Variants in CHSY3 observed in about 807,000 individuals in gnomAD.
The protein encoded by CHSY3 is N-acetylgalactosaminyl-proteoglycan 3-beta-glucuronosyltransferase 3.
Under a neutral mutation model 67.2 loss-of-function variants are expected in CHSY3, and 35 were observed. The observed-to-expected ratio is 0.52, with a 90% CI of 0.40 to 0.69. The LOEUF is 0.69. Among genes scored for constraint, CHSY3 ranks in the 30% least tolerant of loss-of-function variants. CHSY3 has a pLI of 0.00. For synonymous variants in CHSY3, 474 were observed against 434.7 expected, an observed-to-expected ratio of 1.09 and a Z score of -1.12; for missense variants, 1,069 against 1,138.5, an observed-to-expected ratio of 0.94 and a Z score of 0.88.
At chr5:130,057,184 A>G (rs188470129) in intron 2 of CHSY3, among the ~76,000 whole-genome samples, 1 of 151,920 alleles carries the variant, frequency 6.6e-6, no homozygotes, top group Admixed American at 6.6e-5. Context: ...TCAGCCTCCC[A>G]AAGTGCTGGG....
intron 2 of CHSY3, among the ~76,000 whole-genome samples, chr5:129,909,932 T>C (rs1227768811): frequency 2.0e-5 from 3 of 152,008 alleles, no homozygotes; most frequent in Non-Finnish European, 4.4e-5. Flanking sequence ...ACATAATATA[T>C]AAAATTTTAA....
chr5:130,178,549 G>A (rs1475137063), intron 2 of CHSY3, among the ~76,000 whole-genome samples: 2 of 152,098 alleles, frequency 1.3e-5, no homozygotes, highest in South Asian at 2.1e-4. Flanking sequence ...ACAGCACCCG[G>A]CCGTGGTCTG....
At chr5:130,083,740 G>T (rs74777003) in intron 2 of CHSY3, among the ~76,000 whole-genome samples, 1 of 151,872 alleles carries the variant, frequency 6.6e-6, no homozygotes, top group Non-Finnish European at 1.5e-5. Flanking sequence ...CAGTGTTCTG[G>T]ATACCAGAAA....
chr5:130,034,115 G>A (rs1764780890), intron 2 of CHSY3, among the ~76,000 whole-genome samples: 1 of 151,998 alleles, frequency 6.6e-6, no homozygotes, highest in Non-Finnish European at 1.5e-5. Context: ...TTTGCAAGTT[G>A]TTTTGGTGTT....
At chr5:130,091,406 A>T (rs1234380383) in intron 2 of CHSY3, among the ~76,000 whole-genome samples, 1 of 152,220 alleles carries the variant, frequency 6.6e-6, no homozygotes, top group Non-Finnish European at 1.5e-5. Context: ...AAGAGAATTC[A>T]TCTTGACATA....
chr5:129,950,539 A>T (rs955636597), intron 2 of CHSY3, among the ~76,000 whole-genome samples: 1 of 152,214 alleles, frequency 6.6e-6, no homozygotes, highest in African/African-American at 2.4e-5. Context: ...ACTCCACCAA[A>T]ATACTGTTAG....
intron 2 of CHSY3, among the ~76,000 whole-genome samples, chr5:129,947,142 G>A (rs1215690543): frequency 9.9e-5 from 15 of 152,108 alleles, no homozygotes; most frequent in African/African-American, 3.1e-4. Context: ...AAGTAAACAC[G>A]TTTTTCTTCA....
chr5:130,108,562 G>T (rs1580740384), intron 2 of CHSY3, among the ~76,000 whole-genome samples: 1 of 151,624 alleles, frequency 6.6e-6, no homozygotes, highest in South Asian at 2.1e-4. Flanking sequence ...CATTTGGATT[G>T]TAATGCTTTG....
At chr5:130,144,244 A>G (rs1045442243) in intron 2 of CHSY3, among the ~76,000 whole-genome samples, 1 of 152,142 alleles carries the variant, frequency 6.6e-6, no homozygotes, top group Admixed American at 6.5e-5. Context: ...TAAAACTCCA[A>G]GTGGAGCAAG....
chr5:130,184,686 GGCT>G lies in CHSY3; in HGVS notation c.1545_1547del (p.Leu516del). 1 of 1,606,920 alleles carries G rather than the reference GGCT, an allele frequency of 6.2e-7. No individual in the cohort carries two copies. The highest frequency in any genetic ancestry group is 8.5e-7 in the Non-Finnish European group (1 of 1,173,432). On this transcript the variant is annotated inframe_deletion, in exon 3 of 3. Transcript: ENST00000305031. The stretch of plus-strand genomic sequence containing the variant: ...AATGAGAATGCCAAGAGCAGAGGAC[GGCT>G]CATTGACTTCAAGGAAATTCAGTAT...
chr5:130,129,183 T>C (rs910819995), intron 2 of CHSY3, among the ~76,000 whole-genome samples: 3 of 152,118 alleles, frequency 2.0e-5, no homozygotes, highest in African/African-American at 4.8e-5. Flanking sequence ...ATGCCCAAAA[T>C]ATAACATTAA....
intron 2 of CHSY3, among the ~76,000 whole-genome samples, chr5:130,054,836 T>G (rs1260168256): frequency 2.0e-5 from 3 of 152,226 alleles, no homozygotes; most frequent in Admixed American, 6.5e-5. Context: ...TAGGCTGTGT[T>G]GCTGAGCAGA....
intron 2 of CHSY3, among the ~76,000 whole-genome samples, chr5:130,127,764 T>C (rs1034829499): frequency 3.3e-5 from 5 of 152,186 alleles, no homozygotes; most frequent in Non-Finnish European, 5.9e-5. Flanking sequence ...TCTGGTGCTT[T>C]TTCTCCATGA....
intron 2 of CHSY3, among the ~76,000 whole-genome samples, chr5:130,034,224 C>T (rs1764784215): frequency 6.6e-6 from 1 of 151,808 alleles, no homozygotes; most frequent in South Asian, 2.1e-4. Flanking sequence ...AAATAACATA[C>T]TTGAAATGGA....
rs112570550 is a variant in CHSY3 at position 130,128,229 on chromosome 5, G to GGTGTGTGT, written c.1087-55982_1087-55975dup. On this transcript the variant is annotated intron_variant, in intron 2 of 2. Coordinates refer to ENST00000305031, the MANE Select transcript of CHSY3 (RefSeq NM_175856.5). ...GCCAAGATGTGGAAGAAGAAAATGT[G>GGTGTGTGT]GTGTGTGTGTGTGTGTGTGTGTGTG... is the stretch of plus-strand genomic sequence containing the variant. Among the ~76,000 whole-genome samples, 549 of 147,464 alleles carry GGTGTGTGT rather than the reference G, an allele frequency of 3.7e-3. 6 individuals are homozygous for GGTGTGTGT. Among genetic ancestry groups the GGTGTGTGT allele is most frequent in the African/African-American group, 0.011 (447 of 39,764 alleles).
intron 2 of CHSY3, among the ~76,000 whole-genome samples, chr5:129,991,551 T>C (rs1212812121): frequency 6.6e-6 from 1 of 152,162 alleles, no homozygotes; most frequent in East Asian, 1.9e-4. Context: ...CTAAAGAATA[T>C]GTAGGGTGTT....
chr5:129,995,111 T>C (rs1763496566), intron 2 of CHSY3, among the ~76,000 whole-genome samples: 1 of 152,162 alleles, frequency 6.6e-6, no homozygotes, highest in Non-Finnish European at 1.5e-5. Context: ...CCAAAACTTT[T>C]ATATTAAAGT....
chr5:129,906,281 C>G (rs1209825334), intron 1 of CHSY3, among the ~76,000 whole-genome samples: 2 of 152,048 alleles, frequency 1.3e-5, no homozygotes, highest in Non-Finnish European at 2.9e-5. Flanking sequence ...CGCTACAGTT[C>G]AGCACCAAGC....
rs747152077 is a variant in CHSY3, at chr5:129,905,369, G to A, written c.540G>A (p.Ala180=). The change falls in exon 1 of 3, where the codon GCG becomes GCA. Residue 180 remains alanine, a synonymous_variant. Transcript: ENST00000305031. ...TCCTGTACGTGGGGGTGATGACCGC[G>A]CAGAAGTACCTGGGCAGCCGCGCGC... is the stretch of plus-strand genomic sequence containing the variant. ...RDFLYVGVMT[A]QKYLGSRALA... 3.2e-6 allele frequency: 5 copies of A among 1,585,478 alleles called. No homozygotes were observed. The highest frequency in any genetic ancestry group is 1.7e-4 in the Middle Eastern group (1 of 5,856).
Sources: gnomAD v4.1 joint callset for allele counts (sites outside exome capture counted in the v4.1 genomes callset) on GRCh38, gnomAD v4.1.1 for gene constraint, MANE v1.5 for transcripts, NCBI Gene and HGNC (gene_info 2026-07-23, HGNC 2026-07-21) for gene names.